The following IGFL2 variants were observed in gnomAD, a reference collection of about 807,000 sequenced individuals.
IGFL2 encodes the protein IGF like family member 2.
Under a neutral mutation model 13.9 loss-of-function variants are expected in IGFL2, and 7 were observed. The observed-to-expected ratio is 0.51, with a 90% CI of 0.29 to 0.95. The LOEUF is 0.95. IGFL2 is among the 40% of genes least tolerant of loss of function. The pLI, the probability that IGFL2 is intolerant of heterozygous loss-of-function variation, is 0.08. For missense variants in IGFL2, 138 were observed against 147.8 expected (o/e 0.93, Z 0.34); for synonymous variants, 55 against 55.8 (o/e 0.99, Z 0.07).
At chr19:46,150,144 T>C (rs1973396558) in intron 1 of IGFL2, among the ~76,000 whole-genome samples, 1 of 152,258 alleles carries the variant, frequency 6.6e-6, no homozygotes, top group African/African-American at 2.4e-5. Context: ...TGAGTGTCTT[T>C]TCCATGTGCT....
At chr19:46,177,241 A>G in the IGFL2 span, among the ~76,000 whole-genome samples, 22 of 152,140 alleles carry the variant, frequency 1.4e-4, no homozygotes, top group Non-Finnish European at 2.6e-4. Context: ...CTGAAAATAC[A>G]AAAATTAGCG....
chr19:46,094,055 T>TG, the IGFL2 span, among the ~76,000 whole-genome samples: 1 of 146,194 alleles, frequency 6.8e-6, no homozygotes. Flanking sequence ...TTTTTTTTTT[T>TG]GCCAGGGGTA....
chr19:46,107,556 GT>G, the IGFL2 span, among the ~76,000 whole-genome samples: 1 of 152,224 alleles, frequency 6.6e-6, no homozygotes, highest in Non-Finnish European at 1.5e-5. Context: ...GGCTGCTGTG[GT>G]TTAGGAGTTT....
chr19:46,117,618 A>G, the IGFL2 span, among the ~76,000 whole-genome samples: 1 of 152,102 alleles, frequency 6.6e-6, no homozygotes, highest in Non-Finnish European at 1.5e-5. Context: ...AGCTGGGACT[A>G]CATGCATGTG....
the IGFL2 span, among the ~76,000 whole-genome samples, chr19:46,193,056 G>C: frequency 6.6e-6 from 1 of 152,176 alleles, no homozygotes; most frequent in East Asian, 1.9e-4. Context: ...GCCGGGTGCT[G>C]TGGCATGTGT....
the IGFL2 span, chr19:46,123,935 C>T: frequency 1.9e-6 from 3 of 1,611,368 alleles, no homozygotes; most frequent in Non-Finnish European, 2.5e-6. Context: ...GACTTCATAC[C>T]CAGAACCCTC....
At chr19:46,114,763 A>C in the IGFL2 span, among the ~76,000 whole-genome samples, 3 of 152,206 alleles carry the variant, frequency 2.0e-5, no homozygotes, top group Non-Finnish European at 4.4e-5. Flanking sequence ...CTTCCCAGCC[A>C]AGCGGAACTG....
At chr19:46,097,106 G>T in the IGFL2 span, among the ~76,000 whole-genome samples, 190 of 152,288 alleles carry the variant, frequency 1.2e-3, no homozygotes, top group South Asian at 5.2e-3. Flanking sequence ...GCTCCTCTTT[G>T]TACCTCTGGT....
At chr19:46,177,097 C>T in the IGFL2 span, among the ~76,000 whole-genome samples, 2 of 150,830 alleles carry the variant, frequency 1.3e-5, no homozygotes, top group Non-Finnish European at 2.9e-5. Context: ...GATCTGTCCT[C>T]TACTAAAAAA....
the IGFL2 span, among the ~76,000 whole-genome samples, chr19:46,116,621 C>T: frequency 6.6e-6 from 1 of 152,194 alleles, no homozygotes; most frequent in African/African-American, 2.4e-5. Context: ...AAGGAATCCT[C>T]CTACCTCAGC....
chr19:46,152,852 C>T (rs907038073), intron 1 of IGFL2, among the ~76,000 whole-genome samples: 1 of 152,124 alleles, frequency 6.6e-6, no homozygotes, highest in African/African-American at 2.4e-5. Flanking sequence ...CTCTTCTATT[C>T]CTAGTTTGTT....
At chr19:46,123,239 A>G in the IGFL2 span, among the ~76,000 whole-genome samples, 2 of 150,950 alleles carry the variant, frequency 1.3e-5, no homozygotes, top group Non-Finnish European at 2.9e-5. Context: ...GAAAAAGGAT[A>G]CTGACCTCCT....
At chr19:46,178,693 CT>C in the IGFL2 span, among the ~76,000 whole-genome samples, 1 of 152,230 alleles carries the variant, frequency 6.6e-6, no homozygotes, top group African/African-American at 2.4e-5. Flanking sequence ...GACTTCAAGT[CT>C]TTAGAGATAG....
chr19:46,197,889 G>T, the IGFL2 span, among the ~76,000 whole-genome samples: 1 of 151,894 alleles, frequency 6.6e-6, no homozygotes. Context: ...ATGGGGTTTT[G>T]TCATGTTGCC....
the IGFL2 span, among the ~76,000 whole-genome samples, chr19:46,116,457 T>C: frequency 6.6e-6 from 1 of 152,234 alleles, no homozygotes; most frequent in African/African-American, 2.4e-5. Context: ...AAGAACAATG[T>C]CTCTTTGCTG....
chr19:46,198,310 T>C, the IGFL2 span: 1 of 151,768 alleles, frequency 6.6e-6, no homozygotes, highest in Admixed American at 6.6e-5. Flanking sequence ...GACTGGATTT[T>C]GCCATGTTGT....
chr19:46,196,114 A>T, the IGFL2 span: 8 of 155,848 alleles, frequency 5.1e-5, no homozygotes, highest in South Asian at 7.7e-4. Context: ...TCCAGGGCCC[A>T]GCATGTCTCT....
chr19:46,195,332 A>G, the IGFL2 span, among the ~76,000 whole-genome samples: 1 of 152,048 alleles, frequency 6.6e-6, no homozygotes, highest in African/African-American at 2.4e-5. Context: ...CTGTTAATTA[A>G]TGACCCTTGT....
chr19:46,193,427 A>G, the IGFL2 span, among the ~76,000 whole-genome samples: 3 of 152,120 alleles, frequency 2.0e-5, no homozygotes, highest in Non-Finnish European at 4.4e-5. Flanking sequence ...GTTTCTCAAG[A>G]GGGCTTTCTT....
Sources: gnomAD v4.1 joint callset for allele counts (sites outside exome capture counted in the v4.1 genomes callset) on GRCh38, gnomAD v4.1.1 for gene constraint, MANE v1.5 for transcripts, NCBI Gene and HGNC (gene_info 2026-07-23, HGNC 2026-07-21) for gene names.